Variants in ANKRD29 observed in about 807,000 individuals in gnomAD.
ANKRD29 encodes ankyrin repeat domain 29.
Under a neutral mutation model 38.0 loss-of-function variants are expected in ANKRD29, and 32 were observed. The ratio of observed to expected loss-of-function variants is 0.84; its 90% CI spans 0.64 to 1.13. ANKRD29 has a LOEUF of 1.13. ANKRD29 is among the 50% of genes most tolerant of loss of function. The pLI is 0.00. For missense variants in ANKRD29, 357 were observed against 377.9 expected (o/e 0.94, Z 0.46); for synonymous variants, 135 against 152.4 (o/e 0.89, Z 0.84).
intron 9 of ANKRD29, among the ~76,000 whole-genome samples, chr18:23,604,633 C>T (rs185084331): frequency 5.2e-4 from 79 of 151,962 alleles, no homozygotes; most frequent in East Asian, 1.6e-3. Flanking sequence ...CCGGTTCAAG[C>T]GATTCTCCTG....
intron 1 of ANKRD29, among the ~76,000 whole-genome samples, chr18:23,653,830 C>G (rs1046481335): frequency 3.9e-5 from 6 of 152,072 alleles, no homozygotes; most frequent in Non-Finnish European, 8.8e-5. Flanking sequence ...CTCAGCCTCC[C>G]AAAGTGCTGA....
chr18:23,608,000 T>A (rs2059594340), intron 9 of ANKRD29, among the ~76,000 whole-genome samples: 1 of 152,212 alleles, frequency 6.6e-6, no homozygotes, highest in Admixed American at 6.5e-5. Flanking sequence ...GCAGAAGTCT[T>A]GGAACTCCTG....
At chr18:23,660,643 T>G (rs1157760400) in intron 1 of ANKRD29, among the ~76,000 whole-genome samples, 1 of 152,140 alleles carries the variant, frequency 6.6e-6, no homozygotes, top group African/African-American at 2.4e-5. Flanking sequence ...CCGTCTCTAC[T>G]AAAATTACAA....
intron 1 of ANKRD29, among the ~76,000 whole-genome samples, chr18:23,657,921 A>G (rs1382930860): frequency 6.6e-6 from 1 of 152,154 alleles, no homozygotes; most frequent in African/African-American, 2.4e-5. Context: ...AGGACCCACC[A>G]CTCAGTGAGT....
At chr18:23,644,747 A>C (rs1273105729) in intron 3 of ANKRD29, among the ~76,000 whole-genome samples, 1 of 152,226 alleles carries the variant, frequency 6.6e-6, no homozygotes, top group Non-Finnish European at 1.5e-5. Context: ...GTCTCTCTGC[A>C]TTGCCTAGGC....
intron 9 of ANKRD29, among the ~76,000 whole-genome samples, chr18:23,608,069 C>G (rs2059595029): frequency 6.6e-6 from 1 of 152,222 alleles, no homozygotes; most frequent in Non-Finnish European, 1.5e-5. Context: ...GCCTCCAAAC[C>G]ATTCTTTACT....
intron 8 of ANKRD29, among the ~76,000 whole-genome samples, chr18:23,614,907 T>G (rs79243781): frequency 6.6e-6 from 1 of 152,330 alleles, no homozygotes; most frequent in East Asian, 1.9e-4. Context: ...TAAGCCGCTG[T>G]GTCCATTTAG....
chr18:23,646,185 C>T lies in ANKRD29; in HGVS notation c.231+4G>A, dbSNP rs373864451. The T allele has an allele frequency of 1.2e-5, 20 of 1,613,956 alleles. No homozygotes were observed. The African/African-American group carries it at 2.4e-4, about 19-fold the overall frequency. On this transcript the variant is annotated splice_donor_region_variant and intron_variant, in intron 3 of 9. Transcript: ENST00000592179. ...TTTTTCTTCAAGTGCAAAGCCTGAC[C>T]TACCTCTCTCTGGAGATTGATGTCT... is the stretch of plus-strand genomic sequence containing the variant.
rs75629699 is a variant in ANKRD29 at position 23,650,723 on chromosome 18, C to T, written c.22-1530G>A. 4.3e-4 allele frequency among the ~76,000 whole-genome samples: 66 copies of T among 152,248 alleles called. 1 individual carries two copies. The East Asian group carries it at 0.011, about 25-fold the overall frequency. ...ATCACAGTACCTGCCTTGAAGTTGA[C>T]GGTATTAAATGATGCTGATTTTTGC... On this transcript the variant is annotated intron_variant, in intron 1 of 9. Coordinates refer to ENST00000592179, the MANE Select transcript of ANKRD29 (RefSeq NM_173505.4).
intron 4 of ANKRD29, among the ~76,000 whole-genome samples, chr18:23,635,894 A>AG (rs1350345967): frequency 1.3e-5 from 2 of 151,712 alleles, no homozygotes; most frequent in Admixed American, 6.6e-5. Context: ...GTGGTGGGGG[A>AG]GGGTGCTTGA....
chr18:23,599,330 T>G lies in ANKRD29; in HGVS notation c.*1896A>C, dbSNP rs1385157137. On this transcript the variant is annotated 3_prime_UTR_variant, in exon 10 of 10. Coordinates refer to ENST00000592179, the MANE Select transcript of ANKRD29 (RefSeq NM_173505.4). Reference sequence around the variant, plus strand: ...AATATTGTTCAAGAACATTACCCACTTAAAACTATTGATGTAATAGGCCAA... The same window carrying G: ...AATATTGTTCAAGAACATTACCCACGTAAAACTATTGATGTAATAGGCCAA... The G allele has an allele frequency of 6.6e-6, 1 of 152,238 alleles. No homozygotes were observed. Among genetic ancestry groups the G allele is most frequent in the Non-Finnish European group, 1.5e-5 (1 of 68,032 alleles). 9.4% of individuals were successfully genotyped at this position (152,238 alleles called of 1,614,324 possible). A position where few individuals can be genotyped will look rare whatever the true frequency, so the allele number is the denominator to read the frequency against.
Position 23,609,094 on chromosome 18 carries a change from CA to C in ANKRD29, c.822+2997del, listed in dbSNP as rs34279745. 327 of 140,160 alleles carry C rather than the reference CA, an allele frequency of 2.3e-3. 1 individual carries two copies. The highest frequency in any genetic ancestry group is 5.4e-3 in the African/African-American group (207 of 38,384). The allele number at this position is 140,160 out of a possible 1,614,324, so 8.7% of individuals were successfully genotyped here. A position where few individuals can be genotyped will look rare whatever the true frequency, so the allele number is the denominator to read the frequency against. Reference sequence around the variant, plus strand: ...GGGCAACAAGAGAGAAATTCTGTTTCAAAAAAAAAAAAATTCAATTTAGGGG... The same window carrying C: ...GGGCAACAAGAGAGAAATTCTGTTTCAAAAAAAAAAAATTCAATTTAGGGG... On this transcript the variant is annotated intron_variant, in intron 9 of 9. Transcript: ENST00000592179.
chr18:23,638,291 C>T (rs952431630), intron 4 of ANKRD29, among the ~76,000 whole-genome samples: 13 of 152,118 alleles, frequency 8.5e-5, no homozygotes, highest in Admixed American at 2.0e-4. Flanking sequence ...TGAACCACCG[C>T]GCCTAGCCAA....
chr18:23,639,448 C>T (rs2060044135), intron 3 of ANKRD29, among the ~76,000 whole-genome samples: 1 of 151,580 alleles, frequency 6.6e-6, no homozygotes, highest in African/African-American at 2.4e-5. Flanking sequence ...TATGCTACAA[C>T]ATGGATGAGC....
intron 1 of ANKRD29, among the ~76,000 whole-genome samples, chr18:23,660,899 C>G (rs760511797): frequency 2.6e-5 from 4 of 152,208 alleles, no homozygotes; most frequent in Non-Finnish European, 4.4e-5. Flanking sequence ...CTCTTTCAAG[C>G]TATTGCAATC....
intron 3 of ANKRD29, 38 bp from the exon 4 acceptor site, chr18:23,638,985 G>A: frequency 1.4e-6 from 2 of 1,456,996 alleles, no homozygotes; most frequent in Non-Finnish European, 9.4e-7. Context: ...AAAGACATTT[G>A]GTTATCTTAC....
intron 8 of ANKRD29, among the ~76,000 whole-genome samples, chr18:23,613,440 G>A (rs1393027289): frequency 6.6e-6 from 1 of 151,936 alleles, no homozygotes; most frequent in East Asian, 1.9e-4. Flanking sequence ...CCAAAGGGCT[G>A]GGATTACAGG....
At chr18:23,615,780 G>A (rs1300746432) in intron 8 of ANKRD29, among the ~76,000 whole-genome samples, 3 of 151,566 alleles carry the variant, frequency 2.0e-5, no homozygotes, top group Non-Finnish European at 4.4e-5. Flanking sequence ...GGAGAGACTT[G>A]TATGGCCCAC....
intron 9 of ANKRD29, among the ~76,000 whole-genome samples, chr18:23,605,235 A>T (rs970811494): frequency 6.6e-6 from 1 of 151,616 alleles, no homozygotes; most frequent in Non-Finnish European, 1.5e-5. Flanking sequence ...ATTCTGTTTT[A>T]TTTATTTATT....
Sources: allele counts gnomAD v4.1 joint callset (sites outside exome capture counted in the v4.1 genomes callset), GRCh38; gene constraint gnomAD v4.1.1; transcripts MANE v1.5; gene names NCBI Gene and HGNC (gene_info 2026-07-23, HGNC 2026-07-21).